MYO5A: variants seen among roughly 807,000 people sequenced by gnomAD.
MYO5A encodes the protein unconventional myosin-Va.
A neutral mutation model predicts 249.7 loss-of-function variants in MYO5A; 98 were observed. The observed-to-expected ratio is 0.39, with a 90% CI of 0.33 to 0.46. MYO5A has a LOEUF of 0.46. MYO5A is among the 20% of genes least tolerant of loss of function. The probability of loss-of-function intolerance (pLI) is 0.98; values close to 1 mark genes in which losing one functional copy is unlikely to be tolerated. For synonymous variants in MYO5A, 778 were observed against 810.6 expected (o/e 0.96, Z 0.68); for missense variants, 1,696 against 2,308.8 (o/e 0.73, Z 5.44).
At chr15:52,512,160 CAA>C (rs535878540) in intron 1 of MYO5A, among the ~76,000 whole-genome samples, 14 of 93,494 alleles carry the variant, frequency 1.5e-4, no homozygotes, top group African/African-American at 1.5e-4. Flanking sequence ...AAGACTGTCT[CAA>C]AAAAAAAAAA....
At position 52,339,184 on chromosome 15, in the gene MYO5A, G is replaced by A. The variant is rs111766420; in HGVS notation, c.4239+1012C>T. 8.2e-3 allele frequency among the ~76,000 whole-genome samples: 1,254 copies of A among 152,114 alleles called. 16 individuals carry two copies. Among genetic ancestry groups the A allele is most frequent in the African/African-American group, 0.027 (1,138 of 41,516 alleles). The stretch of plus-strand genomic sequence containing the variant: ...TTTGCTTCTAATTCATATAAAAGAT[G>A]GTTGAATAAATGACACTAGAAAACT... On this transcript the variant is annotated intron_variant, in intron 32 of 41. Transcript: ENST00000399233.
chr15:52,394,759 T>A (rs1253098235), intron 11 of MYO5A, among the ~76,000 whole-genome samples: 1 of 152,214 alleles, frequency 6.6e-6, no homozygotes, highest in Non-Finnish European at 1.5e-5. Context: ...AGTCACTCTG[T>A]GTGGAAACAC....
chr15:52,397,471 CA>C lies in MYO5A; in HGVS notation c.1054-6del, dbSNP rs1363390173. 6.2e-7 allele frequency: 1 copy of C among 1,613,332 alleles called. No homozygotes were observed. Among genetic ancestry groups the C allele is most frequent in the African/African-American group, 1.3e-5 (1 of 74,996 alleles). ...GCAGAGAGGTTCATGCTTGGGCTGCCAAAAGATAATGAGTTATTTCCTATGA... is the reference window on the plus strand; with the variant it reads ...GCAGAGAGGTTCATGCTTGGGCTGCCAAAGATAATGAGTTATTTCCTATGA... On this transcript the variant is annotated splice_polypyrimidine_tract_variant and splice_region_variant and intron_variant, in intron 9 of 41. Coordinates refer to ENST00000399233, the MANE Select transcript of MYO5A (RefSeq NM_001382347.1).
intron 1 of MYO5A, among the ~76,000 whole-genome samples, chr15:52,438,856 C>T (rs191767252): frequency 2.0e-5 from 3 of 152,304 alleles, no homozygotes; most frequent in East Asian, 1.9e-4. Context: ...AGCTTTCGCT[C>T]GCCGTCCACC....
chr15:52,392,833 G>A (rs752552994), intron 11 of MYO5A, among the ~76,000 whole-genome samples: 1 of 152,244 alleles, frequency 6.6e-6, no homozygotes, highest in South Asian at 2.1e-4. Flanking sequence ...GAAGCGGACA[G>A]AAACCAAATA....
At chr15:52,385,183 AC>A (rs1466960253) in intron 14 of MYO5A, among the ~76,000 whole-genome samples, 6 of 152,236 alleles carry the variant, frequency 3.9e-5, no homozygotes, top group Admixed American at 1.3e-4. Flanking sequence ...CAACAGTGCC[AC>A]ATCCCATATA....
At chr15:52,328,135 G>T in intron 35 of MYO5A, 129 bp from the exon 36 acceptor site, 5 of 754,158 alleles carry the variant, frequency 6.6e-6, no homozygotes, top group East Asian at 2.8e-5. Context: ...TATAAAAAGT[G>T]TATTTTAATA....
chr15:52,486,439 A>ACACT (rs1162921491), intron 1 of MYO5A, among the ~76,000 whole-genome samples: 4 of 152,198 alleles, frequency 2.6e-5, no homozygotes, highest in Non-Finnish European at 5.9e-5. Context: ...TCTCTCCACT[A>ACACT]CACTGTATCT....
In MYO5A at chr15:52,505,811, C is replaced by T. The variant is rs904501158; in HGVS notation, c.27+22969G>A. 177 of 1,593,222 alleles carry T rather than the reference C, an allele frequency of 1.1e-4. 1 individual carries two copies. Among genetic ancestry groups the T allele is most frequent in the Non-Finnish European group, 2.6e-5 (31 of 1,176,058 alleles). On this transcript the variant is annotated intron_variant, in intron 1 of 41. Coordinates refer to ENST00000399233, the MANE Select transcript of MYO5A (RefSeq NM_001382347.1). The stretch of plus-strand genomic sequence containing the variant: ...GATATGCTGGAGGAGCAGATCACTG[C>T]GTTTGAGGACTATGTGCAGCCCATG...
chr15:52,336,375 C>A, intron 34 of MYO5A, 88 bp downstream of exon 34: 1 of 831,070 alleles, frequency 1.2e-6, no homozygotes, highest in Non-Finnish European at 2.0e-6. Flanking sequence ...TGCATGCAAA[C>A]CTCTATTAGG....
At chr15:52,362,754 G>A (rs3794566) in intron 24 of MYO5A, among the ~76,000 whole-genome samples, 29,407 of 152,138 alleles carry the variant, frequency 0.19, 3,671 homozygotes, top group East Asian at 0.56. Context: ...TTGCTTAGCA[G>A]GAAGGAGGAG....
Position 52,433,068 on chromosome 15 carries a change from G to T in MYO5A, c.138+107C>A, listed in dbSNP as rs2075576662. ...CCAATTTAGTAAGTAAAAATTCTAG[G>T]TAAGTTCAAAATTTAACTTCCATTG... On this transcript the variant is annotated intron_variant, in intron 2 of 41. Coordinates refer to ENST00000399233, the MANE Select transcript of MYO5A (RefSeq NM_001382347.1). 7 of 844,126 alleles carry T rather than the reference G, an allele frequency of 8.3e-6. No homozygotes were observed. In the South Asian group the frequency reaches 9.8e-5, roughly 12 times the overall value. The allele number at this position is 844,126 out of a possible 1,614,324, so 52.3% of individuals were successfully genotyped here.
Position 52,336,561 on chromosome 15 carries a change from A to G in MYO5A, c.4315-5T>C. The G allele has an allele frequency of 1.3e-6, 2 of 1,585,310 alleles. No homozygotes were observed. Among genetic ancestry groups the G allele is most frequent in the Non-Finnish European group, 1.7e-6 (2 of 1,159,920 alleles). ...TTCAAGTTGTTCCATCAAATCCTAAAGATCAAAAAGAGAAATATATTAGAA... is the reference window on the plus strand; with the variant it reads ...TTCAAGTTGTTCCATCAAATCCTAAGGATCAAAAAGAGAAATATATTAGAA... On this transcript the variant is annotated splice_region_variant and splice_polypyrimidine_tract_variant and intron_variant, in intron 33 of 41. Transcript: ENST00000399233.
At chr15:52,337,097 G>A (rs1209457634) in intron 33 of MYO5A, among the ~76,000 whole-genome samples, 1 of 152,116 alleles carries the variant, frequency 6.6e-6, no homozygotes, top group Non-Finnish European at 1.5e-5. Context: ...TAATCACAAA[G>A]AACAGGATAA....
chr15:52,421,431 A>G (rs2141268824), intron 4 of MYO5A, among the ~76,000 whole-genome samples: 1 of 152,358 alleles, frequency 6.6e-6, no homozygotes, highest in East Asian at 1.9e-4. Flanking sequence ...ATTGGAATAG[A>G]ACTTAGTATT....
At chr15:52,488,703 T>C (rs1428295309) in intron 1 of MYO5A, among the ~76,000 whole-genome samples, 1 of 152,146 alleles carries the variant, frequency 6.6e-6, no homozygotes, top group African/African-American at 2.4e-5. Flanking sequence ...AAAGAAGAAA[T>C]GAAGCAAATG....
At chr15:52,342,589 C>T (rs1405966123) in intron 31 of MYO5A, among the ~76,000 whole-genome samples, 1 of 152,144 alleles carries the variant, frequency 6.6e-6, no homozygotes, top group Non-Finnish European at 1.5e-5. Flanking sequence ...TCAATTTTAG[C>T]TTTAATAGTA....
At chr15:52,430,984 C>A (rs1199132059) in intron 2 of MYO5A, among the ~76,000 whole-genome samples, 2 of 151,782 alleles carry the variant, frequency 1.3e-5, no homozygotes, top group Non-Finnish European at 1.5e-5. Flanking sequence ...GTAATCCCAG[C>A]ACTTTGGGAG....
intron 1 of MYO5A, among the ~76,000 whole-genome samples, chr15:52,502,959 G>A (rs1180020218): frequency 6.6e-6 from 1 of 152,208 alleles, no homozygotes; most frequent in East Asian, 1.9e-4. Flanking sequence ...TCATTCATAT[G>A]TGAGAGCTAA....
Sources: allele counts gnomAD v4.1 joint callset (sites outside exome capture counted in the v4.1 genomes callset), GRCh38; gene constraint gnomAD v4.1.1; transcripts MANE v1.5; gene names NCBI Gene and HGNC (gene_info 2026-07-23, HGNC 2026-07-21).